CACNG5: variants seen among roughly 807,000 people sequenced by gnomAD.
CACNG5 encodes the protein calcium voltage-gated channel auxiliary subunit gamma 5, also known as voltage-dependent calcium channel gamma-5 subunit.
A neutral mutation model predicts 24.8 loss-of-function variants in CACNG5; 18 were observed. The observed-to-expected ratio is 0.73, with a 90% CI of 0.50 to 1.08. The LOEUF is 1.08. Ranked by LOEUF, CACNG5 falls within the 50% of genes least tolerant of loss-of-function variation. The probability of loss-of-function intolerance (pLI) is 0.00; values close to 1 mark genes in which losing one functional copy is unlikely to be tolerated. For missense variants in CACNG5, 349 were observed against 367.9 expected (o/e 0.95, Z 0.42); for synonymous variants, 157 against 149.1 (o/e 1.05, Z -0.39).
Position 66,880,546 on chromosome 17 carries a change from C to T in CACNG5, c.284-11C>T. 1 of 1,614,076 alleles carries T rather than the reference C, an allele frequency of 6.2e-7. No individual in the cohort carries two copies. Among genetic ancestry groups the T allele is most frequent in the Non-Finnish European group, 8.5e-7 (1 of 1,179,986 alleles). On this transcript the variant is annotated splice_polypyrimidine_tract_variant and intron_variant, in intron 3 of 5. Coordinates refer to ENST00000533854, the MANE Select transcript of CACNG5 (RefSeq NM_145811.3). ...GAGGCTGACAGGCCGCCCTTTTGTC[C>T]CGTTAATTAGAGATGATCCGCTCAG...
chr17:66,869,258 A>G (rs902439563), intron 1 of CACNG5, among the ~76,000 whole-genome samples: 1 of 151,814 alleles, frequency 6.6e-6, no homozygotes, highest in Non-Finnish European at 1.5e-5. Flanking sequence ...TAATTTTTGT[A>G]TTTTTAATAG....
rs369589152 is a variant in CACNG5, at chr17:66,884,476, C to T, written c.425-40C>T. On this transcript the variant is annotated intron_variant, in intron 4 of 5. Coordinates refer to ENST00000533854, the MANE Select transcript of CACNG5 (RefSeq NM_145811.3). ...TGCCACCTCAGCAAACTTCCTGGGC[C>T]TCTGGGCTGAGCATCCCCTCTCCCC... The T allele has an allele frequency of 3.8e-5, 60 of 1,570,260 alleles. No homozygotes were observed. In the African/African-American group the frequency reaches 7.4e-4, roughly 19 times the overall value.
Position 66,886,675 on chromosome 17 carries a change from C to T in CACNG5, c.*1435C>T. ...AGCCATGGTGGCGACACGTGGGCTCCAGCACGTAGTCCAGAAAGCTGCACG... is the reference window on the plus strand; with the variant it reads ...AGCCATGGTGGCGACACGTGGGCTCTAGCACGTAGTCCAGAAAGCTGCACG... On this transcript the variant is annotated 3_prime_UTR_variant, in exon 6 of 6. Transcript: ENST00000533854. Among the ~76,000 whole-genome samples the T allele has an allele frequency of 6.6e-6, 1 of 152,204 alleles. No homozygotes were observed. Among genetic ancestry groups the T allele is most frequent in the Non-Finnish European group, 1.5e-5 (1 of 68,034 alleles).
intron 1 of CACNG5, among the ~76,000 whole-genome samples, chr17:66,835,580 G>T (rs1976472904): frequency 1.3e-5 from 2 of 152,190 alleles, no homozygotes; most frequent in South Asian, 2.1e-4. Context: ...TTCCACGACG[G>T]ACTTGAATGG....
intron 1 of CACNG5, among the ~76,000 whole-genome samples, chr17:66,839,833 C>T (rs1018896268): frequency 1.3e-5 from 2 of 152,126 alleles, no homozygotes; most frequent in East Asian, 1.9e-4. Flanking sequence ...GGCTGTTCCG[C>T]GCACGTGCAC....
rs1393501730 is a variant in CACNG5, at chr17:66,893,656, T to C, written c.*8416T>C. Among the ~76,000 whole-genome samples, 1 of 152,156 alleles carries C rather than the reference T, an allele frequency of 6.6e-6. No homozygotes were observed. The highest frequency in any genetic ancestry group is 6.5e-5 in the Admixed American group (1 of 15,274). ...GTCAGACTCTGGCCTCCAGATTCCATTTTCCTGGCTGACTCCCAGGGCACC... is the reference window on the plus strand; with the variant it reads ...GTCAGACTCTGGCCTCCAGATTCCACTTTCCTGGCTGACTCCCAGGGCACC... On this transcript the variant is annotated 3_prime_UTR_variant, in exon 6 of 6. Transcript: ENST00000533854.
At chr17:66,853,911 G>A (rs75055881) in intron 1 of CACNG5, among the ~76,000 whole-genome samples, 2,189 of 151,680 alleles carry the variant, frequency 0.014, 58 homozygotes, top group African/African-American at 0.05. Context: ...TTATGTCATC[G>A]AGTCCCTAAG....
chr17:66,873,679 A>G (rs192684262), intron 1 of CACNG5, among the ~76,000 whole-genome samples: 45 of 152,270 alleles, frequency 3.0e-4, no homozygotes, highest in African/African-American at 1.1e-3. Flanking sequence ...ACTTTTTTCA[A>G]AGCATAGTCA....
intron 1 of CACNG5, among the ~76,000 whole-genome samples, chr17:66,873,498 C>T (rs1007196912): frequency 6.6e-6 from 1 of 152,160 alleles, no homozygotes; most frequent in African/African-American, 2.4e-5. Context: ...AATCTCCAAA[C>T]ATGAATCTTT....
chr17:66,877,845 T>G (rs1257001528), intron 2 of CACNG5, among the ~76,000 whole-genome samples: 1 of 152,268 alleles, frequency 6.6e-6, no homozygotes, highest in Non-Finnish European at 1.5e-5. Flanking sequence ...CAAATGTTCA[T>G]GCATGCTTTA....
chr17:66,856,948 C>T (rs1300277047), intron 1 of CACNG5, among the ~76,000 whole-genome samples: 1 of 150,708 alleles, frequency 6.6e-6, no homozygotes, highest in African/African-American at 2.4e-5. Flanking sequence ...TTTGTCATTG[C>T]AAGAATGTTA....
intron 1 of CACNG5, among the ~76,000 whole-genome samples, chr17:66,842,076 G>A (rs1385617470): frequency 1.4e-5 from 2 of 147,026 alleles, no homozygotes; most frequent in Non-Finnish European, 3.0e-5. Context: ...TTCAACTCCC[G>A]GCTCTCTCCG....
rs535333887 is a variant in CACNG5, at chr17:66,893,580, C to A, written c.*8340C>A. ...ATCTGATGCATCCTACCAACGTGAC[C>A]CCAAGGAAAGTGCTGGAGGAATTGG... On this transcript the variant is annotated 3_prime_UTR_variant, in exon 6 of 6. Transcript: ENST00000533854. Among the ~76,000 whole-genome samples, 1 of 152,234 alleles carries A rather than the reference C, an allele frequency of 6.6e-6. No homozygotes were observed. Among genetic ancestry groups the A allele is most frequent in the South Asian group, 2.1e-4 (1 of 4,822 alleles).
At chr17:66,855,935 T>C (rs1324599625) in intron 1 of CACNG5, among the ~76,000 whole-genome samples, 2 of 152,262 alleles carry the variant, frequency 1.3e-5, no homozygotes, top group Non-Finnish European at 1.5e-5. Flanking sequence ...GATTCTTTTT[T>C]AGGAATTAGC....
At chr17:66,844,009 G>A (rs557619292) in intron 1 of CACNG5, among the ~76,000 whole-genome samples, 1 of 152,176 alleles carries the variant, frequency 6.6e-6, no homozygotes, top group Non-Finnish European at 1.5e-5. Context: ...CTGGGGTCTG[G>A]AGTGATGAAC....
chr17:66,843,658 G>T (rs1291094254), intron 1 of CACNG5, among the ~76,000 whole-genome samples: 1 of 152,118 alleles, frequency 6.6e-6, no homozygotes, highest in African/African-American at 2.4e-5. Flanking sequence ...CAGGGGGGTG[G>T]TCCTGTTCCA....
chr17:66,881,085 A>C (rs1289359904), intron 4 of CACNG5, among the ~76,000 whole-genome samples: 2 of 152,190 alleles, frequency 1.3e-5, no homozygotes, highest in Non-Finnish European at 2.9e-5. Flanking sequence ...TGCATTGGAA[A>C]GTCCTGGAAT....
chr17:66,850,599 T>TATAC (rs150985584), intron 1 of CACNG5, among the ~76,000 whole-genome samples: 36,357 of 142,258 alleles, frequency 0.26, 4,426 homozygotes, highest in South Asian at 0.38. Context: ...CACAAATACA[T>TATAC]ACACACACAC....
At position 66,885,469 on chromosome 17, in the gene CACNG5, G is replaced by C. The variant is rs570885534; in HGVS notation, c.*229G>C. The C allele has an allele frequency of 1.7e-5, 9 of 544,554 alleles. No homozygotes were observed. The highest frequency in any genetic ancestry group is 2.9e-5 in the Non-Finnish European group (9 of 315,426). 33.7% of individuals were successfully genotyped at this position (544,554 alleles called of 1,614,324 possible). On this transcript the variant is annotated 3_prime_UTR_variant, in exon 6 of 6. Coordinates refer to ENST00000533854, the MANE Select transcript of CACNG5 (RefSeq NM_145811.3). ...GCAAGCTGATTGTCTGGGAACATGG[G>C]AGAAGCCCCGCCCATGTGAGTGCCA...
Sources: allele counts gnomAD v4.1 joint callset (sites outside exome capture counted in the v4.1 genomes callset), GRCh38; gene constraint gnomAD v4.1.1; transcripts MANE v1.5; gene names NCBI Gene and HGNC (gene_info 2026-07-23, HGNC 2026-07-21).